Variants in POFUT3 observed in about 807,000 individuals in gnomAD.
POFUT3 encodes the protein GDP-fucose protein O-fucosyltransferase 3.
the POFUT3 span, among the ~76,000 whole-genome samples, chr8:33,381,671 C>T: frequency 6.6e-6 from 1 of 152,116 alleles, no homozygotes; most frequent in African/African-American, 2.4e-5. Flanking sequence ...GCATTTGTTA[C>T]GAGTTCATCA....
At chr8:33,417,127 A>T in the POFUT3 span, among the ~76,000 whole-genome samples, 1 of 152,180 alleles carries the variant, frequency 6.6e-6, no homozygotes, top group Non-Finnish European at 1.5e-5. Flanking sequence ...GCAGCATTAG[A>T]TTCTCACAGA....
the POFUT3 span, among the ~76,000 whole-genome samples, chr8:33,309,016 C>T: frequency 0.4 from 59,132 of 147,348 alleles, 12,985 homozygotes; most frequent in East Asian, 0.79. Context: ...CTCTGGAGCC[C>T]AGGCTGTTGC....
the POFUT3 span, among the ~76,000 whole-genome samples, chr8:33,435,917 C>G: frequency 6.6e-6 from 1 of 151,890 alleles, no homozygotes; most frequent in South Asian, 2.1e-4. Flanking sequence ...ATAGGTCTAG[C>G]CTTTGGACCA....
chr8:33,455,891 A>G, the POFUT3 span: 1 of 387,464 alleles, frequency 2.6e-6, no homozygotes, highest in Non-Finnish European at 5.0e-6. Context: ...AACGGTATCC[A>G]AGGCCAAAAA....
chr8:33,452,230 T>C, the POFUT3 span: 1 of 152,086 alleles, frequency 6.6e-6, no homozygotes. Flanking sequence ...TTTCTAACAA[T>C]AACATAAACA....
chr8:33,404,464 C>T, the POFUT3 span, among the ~76,000 whole-genome samples: 1 of 152,270 alleles, frequency 6.6e-6, no homozygotes, highest in East Asian at 1.9e-4. Flanking sequence ...CTGCTACGGG[C>T]TTCATACCAC....
At chr8:33,352,408 C>T in the POFUT3 span, among the ~76,000 whole-genome samples, 1 of 152,166 alleles carries the variant, frequency 6.6e-6, no homozygotes, top group Admixed American at 6.5e-5. Context: ...TGCACAGGCA[C>T]TTTCTGACAA....
chr8:33,449,997 G>C, the POFUT3 span, among the ~76,000 whole-genome samples: 1 of 148,854 alleles, frequency 6.7e-6, no homozygotes, highest in Non-Finnish European at 1.5e-5. Context: ...GAGTGCAGTG[G>C]TGCAATCTCG....
the POFUT3 span, among the ~76,000 whole-genome samples, chr8:33,416,897 G>A: frequency 2.6e-5 from 4 of 151,860 alleles, no homozygotes; most frequent in South Asian, 6.2e-4. Context: ...AGGATGTTTG[G>A]CCTCAAATTC....
the POFUT3 span, among the ~76,000 whole-genome samples, chr8:33,392,042 G>T: frequency 2.0e-5 from 3 of 152,110 alleles, no homozygotes; most frequent in African/African-American, 7.2e-5. Flanking sequence ...CTGCAGGGGT[G>T]CAGCTGCCTT....
the POFUT3 span, among the ~76,000 whole-genome samples, chr8:33,409,199 T>C: frequency 2.0e-5 from 3 of 152,206 alleles, no homozygotes; most frequent in Admixed American, 2.0e-4. Flanking sequence ...GACTCCCGGA[T>C]TCAAGCAATT....
At chr8:33,394,184 C>CA in the POFUT3 span, 9 of 224,904 alleles carry the variant, frequency 4.0e-5, no homozygotes, top group Non-Finnish European at 6.2e-5. Flanking sequence ...GATCTTGTCT[C>CA]AAAAAAATAT....
the POFUT3 span, among the ~76,000 whole-genome samples, chr8:33,390,308 T>A: frequency 6.6e-6 from 1 of 151,872 alleles, no homozygotes; most frequent in Non-Finnish European, 1.5e-5. Context: ...AGGGAGAGGA[T>A]CACCAAAGAG....
chr8:33,411,305 C>T, the POFUT3 span, among the ~76,000 whole-genome samples: 56 of 152,308 alleles, frequency 3.7e-4, no homozygotes, highest in Middle Eastern at 6.8e-3. Flanking sequence ...ACAGCTGGAA[C>T]GAGCCCAAAA....
chr8:33,361,415 T>C, the POFUT3 span: 2 of 152,236 alleles, frequency 1.3e-5, no homozygotes, highest in Non-Finnish European at 2.9e-5. Context: ...ATTAATAATA[T>C]AGCCCATTTA....
the POFUT3 span, among the ~76,000 whole-genome samples, chr8:33,340,095 G>C: frequency 6.6e-6 from 1 of 152,056 alleles, no homozygotes; most frequent in African/African-American, 2.4e-5. Flanking sequence ...TATAAGTGGA[G>C]AAGGGTAAAG....
At chr8:33,413,334 G>A in the POFUT3 span, among the ~76,000 whole-genome samples, 1 of 151,964 alleles carries the variant, frequency 6.6e-6, no homozygotes, top group African/African-American at 2.4e-5. Flanking sequence ...GCTCTCTCGG[G>A]CGCTCACTTG....
chr8:33,404,314 G>A, the POFUT3 span, among the ~76,000 whole-genome samples: 1 of 149,994 alleles, frequency 6.7e-6, no homozygotes, highest in African/African-American at 2.5e-5. Flanking sequence ...CTCCAGCCTG[G>A]GTGACAGAGT....
At chr8:33,467,366 A>C in the POFUT3 span, among the ~76,000 whole-genome samples, 2 of 152,136 alleles carry the variant, frequency 1.3e-5, no homozygotes, top group Non-Finnish European at 2.9e-5. Flanking sequence ...CCATTCTTAA[A>C]TTCCAGACAC....
Sources: allele counts gnomAD v4.1 joint callset (sites outside exome capture counted in the v4.1 genomes callset), GRCh38; gene constraint gnomAD v4.1.1; transcripts MANE v1.5; gene names NCBI Gene and HGNC (gene_info 2026-07-23, HGNC 2026-07-21).